KCNN2: variants seen among roughly 807,000 people sequenced by gnomAD.
KCNN2 encodes small conductance calcium-activated potassium channel protein 2.
Under a neutral mutation model 55.5 loss-of-function variants are expected in KCNN2, and 24 were observed. The ratio of observed to expected loss-of-function variants is 0.43; its 90% CI spans 0.31 to 0.61. KCNN2 has a LOEUF of 0.61. KCNN2 is among the 20% of genes least tolerant of loss of function. The probability of loss-of-function intolerance (pLI) is 0.08; values close to 1 mark genes in which losing one functional copy is unlikely to be tolerated. For missense variants in KCNN2, 754 were observed against 853.6 expected (o/e 0.88, Z 1.45); for synonymous variants, 431 against 336.1 (o/e 1.28, Z -3.09).
At chr5:114,354,805 A>C (rs988322593) in intron 2 of KCNN2, among the ~76,000 whole-genome samples, 3 of 152,120 alleles carry the variant, frequency 2.0e-5, no homozygotes, top group Admixed American at 2.0e-4. Flanking sequence ...TCTAGCATAT[A>C]TCTGTTGTGT....
intron 2 of KCNN2, among the ~76,000 whole-genome samples, chr5:114,380,515 T>C (rs1317799584): frequency 6.6e-6 from 1 of 152,170 alleles, no homozygotes; most frequent in Admixed American, 6.5e-5. Flanking sequence ...CACAACCTTT[T>C]AATAGGTGTG....
At chr5:114,071,126 C>T (rs1750560156) in intron 1 of KCNN2, among the ~76,000 whole-genome samples, 1 of 152,082 alleles carries the variant, frequency 6.6e-6, no homozygotes, top group East Asian at 1.9e-4. Context: ...TCTACTCTGG[C>T]TAATTAAAGA....
In KCNN2 at chr5:114,331,743, A is replaced by G. The variant is rs540313706; in HGVS notation, c.-184-29202A>G. On this transcript the variant is annotated intron_variant, in intron 2 of 10. Coordinates refer to the KCNN2 transcript ENST00000512097. ...AGTCTATTGTTGGTTAACTTATTTC[A>G]AATTATAAATATATCTGTAAGTAAC... Among the ~76,000 whole-genome samples, 9 of 152,384 alleles carry G rather than the reference A, an allele frequency of 5.9e-5. No homozygotes were observed. The South Asian group carries it at 1.7e-3, about 28-fold the overall frequency.
At chr5:114,114,138 G>A (rs187198197) in intron 1 of KCNN2, among the ~76,000 whole-genome samples, 1 of 152,186 alleles carries the variant, frequency 6.6e-6, no homozygotes, top group East Asian at 1.9e-4. Flanking sequence ...ATTAGAAGTG[G>A]TTATACAGAA....
intron 1 of KCNN2, among the ~76,000 whole-genome samples, chr5:114,216,142 C>T (rs1280938485): frequency 6.6e-6 from 1 of 152,038 alleles, no homozygotes; most frequent in Non-Finnish European, 1.5e-5. Context: ...CAGTGATTTT[C>T]TGTTTCTCTC....
chr5:114,108,956 G>A (rs939587110), intron 1 of KCNN2, among the ~76,000 whole-genome samples: 3 of 152,052 alleles, frequency 2.0e-5, no homozygotes, highest in African/African-American at 4.8e-5. Flanking sequence ...GTTTTCCAGA[G>A]TGGTTTATTT....
chr5:114,476,854 A>G (rs1761991679), intron 5 of KCNN2, among the ~76,000 whole-genome samples: 1 of 152,232 alleles, frequency 6.6e-6, no homozygotes, highest in Non-Finnish European at 1.5e-5. Context: ...GTATAGGCAA[A>G]TAATAGCCAT....
chr5:114,169,946 T>C (rs181315862), intron 1 of KCNN2, among the ~76,000 whole-genome samples: 12 of 152,236 alleles, frequency 7.9e-5, no homozygotes, highest in Non-Finnish European at 2.9e-5. Context: ...ATCCAGCACC[T>C]TAGTGAATTA....
chr5:114,312,259 C>G lies in KCNN2; in HGVS notation c.-184-48686C>G, dbSNP rs551366337. Among the ~76,000 whole-genome samples the G allele has an allele frequency of 2.0e-5, 3 of 151,512 alleles. 1 individual carries two copies. Among genetic ancestry groups the G allele is most frequent in the South Asian group, 4.2e-4 (2 of 4,760 alleles). Reference sequence around the variant, plus strand: ...TCCTGCTGCTGGCTTTTTGAACAGGCTGTCCAGGCATTTTCAATTTGGCAA... The same window carrying G: ...TCCTGCTGCTGGCTTTTTGAACAGGGTGTCCAGGCATTTTCAATTTGGCAA... On this transcript the variant is annotated intron_variant, in intron 2 of 10. Transcript: ENST00000512097.
intron 2 of KCNN2, among the ~76,000 whole-genome samples, chr5:114,369,718 G>A (rs1040577489): frequency 6.6e-6 from 1 of 152,024 alleles, no homozygotes; most frequent in African/African-American, 2.4e-5. Context: ...AATTTTCTCC[G>A]CCTGCTTGTG....
chr5:114,158,434 C>T (rs545252066), intron 1 of KCNN2, among the ~76,000 whole-genome samples: 36 of 152,128 alleles, frequency 2.4e-4, no homozygotes, highest in African/African-American at 8.2e-4. Flanking sequence ...AGTCAGGTAG[C>T]ATGATGCTTC....
At chr5:114,283,989 G>T (rs1422297424) in intron 2 of KCNN2, among the ~76,000 whole-genome samples, 10 of 152,150 alleles carry the variant, frequency 6.6e-5, no homozygotes, top group Admixed American at 6.6e-4. Context: ...TAGGCACTTT[G>T]GCCAGAGTAA....
chr5:114,262,158 C>T (rs1040025441), intron 2 of KCNN2, among the ~76,000 whole-genome samples: 44 of 152,248 alleles, frequency 2.9e-4, no homozygotes, highest in Non-Finnish European at 5.3e-4. Context: ...AATTTGGCTT[C>T]GTTTCTATGT....
chr5:114,275,789 T>G (rs1755476044), intron 2 of KCNN2, among the ~76,000 whole-genome samples: 1 of 152,156 alleles, frequency 6.6e-6, no homozygotes, highest in South Asian at 2.1e-4. Context: ...GCTCCTGGAT[T>G]CATTGATTTT....
chr5:114,315,666 T>G (rs1264071310), intron 2 of KCNN2, among the ~76,000 whole-genome samples: 4 of 152,238 alleles, frequency 2.6e-5, no homozygotes, highest in African/African-American at 9.6e-5. Context: ...CCAGATTTCT[T>G]TATTTTGTTG....
chr5:114,359,799 G>A (rs1019104244), upstream of KCNN2, among the ~76,000 whole-genome samples: 3 of 152,170 alleles, frequency 2.0e-5, no homozygotes, highest in African/African-American at 7.2e-5. Context: ...TTGTTGAAAA[G>A]CGTCCTAATA....
chr5:114,159,548 C>T lies in KCNN2; in HGVS notation c.-270-61932C>T, dbSNP rs1327120855. ...GAGTTAGGAAGGATTCCCTCTTTTT[C>T]TATTGATTGGGATAGTTTCTGAAGG... On this transcript the variant is annotated intron_variant, in intron 1 of 10. Transcript: ENST00000512097. Among the ~76,000 whole-genome samples, 3 of 152,174 alleles carry T rather than the reference C, an allele frequency of 2.0e-5. No individual in the cohort carries two copies. In the East Asian group the frequency reaches 5.8e-4, roughly 29 times the overall value.
At chr5:114,272,660 T>C (rs1422209627) in intron 2 of KCNN2, among the ~76,000 whole-genome samples, 1 of 152,128 alleles carries the variant, frequency 6.6e-6, no homozygotes, top group Non-Finnish European at 1.5e-5. Flanking sequence ...TTTGTAGATT[T>C]TTTCTCTATG....
intron 1 of KCNN2, among the ~76,000 whole-genome samples, chr5:114,098,496 C>T (rs1047184787): frequency 6.6e-6 from 1 of 152,012 alleles, no homozygotes; most frequent in African/African-American, 2.4e-5. Context: ...AACATGAACC[C>T]TATTGTGAAC....
Sources: allele counts gnomAD v4.1 joint callset (sites outside exome capture counted in the v4.1 genomes callset), GRCh38; gene constraint gnomAD v4.1.1; transcripts MANE v1.5; gene names NCBI Gene and HGNC (gene_info 2026-07-23, HGNC 2026-07-21).